The following RBFOX1 variants were observed in gnomAD, a reference collection of about 807,000 sequenced individuals.
The protein encoded by RBFOX1 is RNA binding fox-1 homolog 1.
A neutral mutation model predicts 57.7 loss-of-function variants in RBFOX1; 8 were observed. The observed-to-expected ratio is 0.14, with a 90% confidence interval of 0.08 to 0.25. The LOEUF is 0.25. Ranked by LOEUF, RBFOX1 falls within the 10% of genes least tolerant of loss-of-function variation. The probability of loss-of-function intolerance (pLI) is 1.00; values close to 1 mark genes in which losing one functional copy is unlikely to be tolerated. For synonymous variants in RBFOX1, 326 were observed against 222.4 expected (o/e 1.47, Z -4.15); for missense variants, 611 against 548.5 (o/e 1.11, Z -1.14).
intron 2 of RBFOX1, among the ~76,000 whole-genome samples, chr16:6,354,570 C>A (rs1389412504): frequency 6.6e-6 from 1 of 152,142 alleles, no homozygotes; most frequent in Admixed American, 6.5e-5. Context: ...CTCGCAGGCC[C>A]CTGCCCTCTT....
chr16:7,254,957 G>T (rs905936423), intron 4 of RBFOX1, among the ~76,000 whole-genome samples: 1 of 152,062 alleles, frequency 6.6e-6, no homozygotes. Context: ...TGGCTCAACC[G>T]TTAATAAGAA....
At chr16:6,848,324 G>T (rs1603631944) in intron 3 of RBFOX1, among the ~76,000 whole-genome samples, 1 of 152,116 alleles carries the variant, frequency 6.6e-6, no homozygotes, top group Non-Finnish European at 1.5e-5. Context: ...CATTTCTCCA[G>T]AGAAGTTTGG....
Position 5,300,392 on chromosome 16 carries a change from C to G in RBFOX1, c.219+60287C>G, listed in dbSNP as rs1267401912. ...GGTGGGAGCGGGTGAGGGATAAAGA[C>G]TACACATGGGTACAGTGTACACTGC... On this transcript the variant is annotated intron_variant, in intron 1 of 2. Coordinates refer to the RBFOX1 transcript ENST00000585867. 2.0e-5 allele frequency among the ~76,000 whole-genome samples: 3 copies of G among 152,060 alleles called. No homozygotes were observed. In the East Asian group the frequency reaches 5.8e-4, roughly 29 times the overall value.
At chr16:7,064,353 G>A (rs1460204638) in intron 4 of RBFOX1, among the ~76,000 whole-genome samples, 2 of 152,018 alleles carry the variant, frequency 1.3e-5, no homozygotes, top group African/African-American at 4.8e-5. Context: ...ATTTTTAGTA[G>A]AGATGGGGTT....
At chr16:6,600,108 T>C (rs1601102073) in intron 2 of RBFOX1, among the ~76,000 whole-genome samples, 1 of 152,148 alleles carries the variant, frequency 6.6e-6, no homozygotes, top group East Asian at 1.9e-4. Context: ...TTCAAGCTCA[T>C]TTTTCTCACT....
At chr16:6,592,390 G>C (rs1343987478) in intron 2 of RBFOX1, among the ~76,000 whole-genome samples, 1 of 152,154 alleles carries the variant, frequency 6.6e-6, no homozygotes, top group East Asian at 1.9e-4. Context: ...CATAATTAGG[G>C]AGAATATTTT....
chr16:5,602,182 A>G (rs1440491165), downstream of RBFOX1, among the ~76,000 whole-genome samples: 1 of 152,010 alleles, frequency 6.6e-6, no homozygotes, highest in Non-Finnish European at 1.5e-5. Flanking sequence ...CATTTTGACG[A>G]CCTCTACTGG....
chr16:5,364,848 G>A (rs184917473), intron 1 of RBFOX1, among the ~76,000 whole-genome samples: 1 of 152,216 alleles, frequency 6.6e-6, no homozygotes, highest in Non-Finnish European at 1.5e-5. Flanking sequence ...ATTAGCAAGG[G>A]CAGATTTGGG....
At chr16:6,985,832 T>TAAAAAAAAAAAAAAAAAAAA (rs565941451) in intron 3 of RBFOX1, among the ~76,000 whole-genome samples, 1 of 99,840 alleles carries the variant, frequency 1.0e-5, no homozygotes, top group African/African-American at 4.8e-5. Context: ...TGAGTTCATG[T>TAAAAAAAAAAAAAAAAAAAA]AAAAAAAAAA....
chr16:5,443,222 G>C (rs867833706), intron 1 of RBFOX1, among the ~76,000 whole-genome samples: 1 of 152,146 alleles, frequency 6.6e-6, no homozygotes, highest in Non-Finnish European at 1.5e-5. Flanking sequence ...TCATTTTAGA[G>C]ATAGGAAAAA....
chr16:6,610,021 A>ACAAAG (rs1328123587), intron 2 of RBFOX1, among the ~76,000 whole-genome samples: 2 of 149,314 alleles, frequency 1.3e-5, no homozygotes, highest in African/African-American at 2.4e-5. Flanking sequence ...ACAAAACAAA[A>ACAAAG]CAAAACAAAA....
intron 1 of RBFOX1, among the ~76,000 whole-genome samples, chr16:6,231,289 G>A (rs992056525): frequency 6.6e-6 from 1 of 151,338 alleles, no homozygotes; most frequent in African/African-American, 2.4e-5. Flanking sequence ...ACCGAATTTA[G>A]TGTAGGTCTA....
intron 4 of RBFOX1, among the ~76,000 whole-genome samples, chr16:7,253,983 C>G (rs1348304562): frequency 6.6e-6 from 1 of 152,136 alleles, no homozygotes; most frequent in Admixed American, 6.5e-5. Context: ...GAAGAATTGC[C>G]TTGAAAATAC....
At chr16:7,102,203 A>C (rs560364710) in intron 4 of RBFOX1, among the ~76,000 whole-genome samples, 1 of 152,302 alleles carries the variant, frequency 6.6e-6, no homozygotes, top group Non-Finnish European at 1.5e-5. Context: ...TTGCAGGGGC[A>C]TTCCCTGAGG....
chr16:5,865,949 C>G (rs141819891), intron 3 of RBFOX1, among the ~76,000 whole-genome samples: 1 of 152,008 alleles, frequency 6.6e-6, no homozygotes. Flanking sequence ...AAAGTAAGTT[C>G]TCTGCTCTCT....
intron 4 of RBFOX1, among the ~76,000 whole-genome samples, chr16:7,367,615 T>C (rs1209638815): frequency 6.6e-6 from 1 of 152,192 alleles, no homozygotes; most frequent in Non-Finnish European, 1.5e-5. Flanking sequence ...ACTCTGATGC[T>C]CACAACATTC....
chr16:6,453,618 T>C (rs1014287746), intron 2 of RBFOX1, among the ~76,000 whole-genome samples: 1 of 152,180 alleles, frequency 6.6e-6, no homozygotes, highest in Non-Finnish European at 1.5e-5. Context: ...GAGGAGCTGG[T>C]ACTGTTCCTT....
intron 4 of RBFOX1, among the ~76,000 whole-genome samples, chr16:7,437,266 T>G (rs2149766716): frequency 6.9e-6 from 1 of 145,200 alleles, no homozygotes; most frequent in East Asian, 2.3e-4. Context: ...CCCCCCTTTC[T>G]GTTATATTAA....
chr16:5,782,493 G>C (rs1597231442), intron 3 of RBFOX1, among the ~76,000 whole-genome samples: 1 of 152,150 alleles, frequency 6.6e-6, no homozygotes, highest in African/African-American at 2.4e-5. Flanking sequence ...TTGCATTGGG[G>C]ATTAAATTAA....
Sources: gnomAD v4.1 joint callset for allele counts (sites outside exome capture counted in the v4.1 genomes callset) on GRCh38, gnomAD v4.1.1 for gene constraint, MANE v1.5 for transcripts, NCBI Gene and HGNC (gene_info 2026-07-23, HGNC 2026-07-21) for gene names.